RAPGEF2: variants seen among roughly 807,000 people sequenced by gnomAD.
The protein encoded by RAPGEF2 is PDZ domain containing guanine nucleotide exchange factor (GEF) 1.
A neutral mutation model predicts 186.7 loss-of-function variants in RAPGEF2; 54 were observed. The ratio of observed to expected loss-of-function variants is 0.29; its 90% CI spans 0.23 to 0.36. RAPGEF2 has a LOEUF of 0.36. RAPGEF2 is among the 10% of genes least tolerant of loss of function. The pLI, the probability that RAPGEF2 is intolerant of heterozygous loss-of-function variation, is 1.00. For synonymous variants in RAPGEF2, 712 were observed against 705.9 expected, an observed-to-expected ratio of 1.01 and a Z score of -0.14; for missense variants, 1,532 against 2,045.0, an observed-to-expected ratio of 0.75 and a Z score of 4.84.
intron 4 of RAPGEF2, among the ~76,000 whole-genome samples, chr4:159,212,366 T>A (rs935988509): frequency 1.3e-5 from 2 of 152,206 alleles, no homozygotes; most frequent in African/African-American, 4.8e-5. Context: ...TTTTAAAAAT[T>A]ACATATAATT....
chr4:159,139,827 A>G (rs1742120946), intron 1 of RAPGEF2, among the ~76,000 whole-genome samples: 1 of 152,154 alleles, frequency 6.6e-6, no homozygotes, highest in Admixed American at 6.5e-5. Context: ...ACCTCAATGA[A>G]TGTCTGTGCT....
intron 1 of RAPGEF2, among the ~76,000 whole-genome samples, chr4:159,142,675 TA>T (rs1464965130): frequency 1.1e-4 from 16 of 152,186 alleles, no homozygotes; most frequent in Admixed American, 3.3e-4. Context: ...AAAAAGCCTT[TA>T]AAAATTTTCT....
At chr4:159,321,482 A>G (rs1259190503) in intron 9 of RAPGEF2, among the ~76,000 whole-genome samples, 3 of 152,312 alleles carry the variant, frequency 2.0e-5, no homozygotes, top group East Asian at 3.9e-4. Flanking sequence ...TGTTAGGATT[A>G]CAGGCACGAG....
At chr4:159,351,105 C>G (rs1487196033) in intron 26 of RAPGEF2, 5 of 1,534,980 alleles carry the variant, frequency 3.3e-6, no homozygotes, top group Non-Finnish European at 4.4e-6. Context: ...GGCAGTTGGA[C>G]TTAACCAGTT....
intron 7 of RAPGEF2, among the ~76,000 whole-genome samples, chr4:159,251,026 C>T (rs538845880): frequency 2.6e-5 from 4 of 152,330 alleles, no homozygotes; most frequent in East Asian, 1.9e-4. Context: ...AGTGGCCCGC[C>T]GGTGCTGCTG....
At chr4:159,251,117 G>A (rs555029439) in intron 7 of RAPGEF2, among the ~76,000 whole-genome samples, 49 of 152,308 alleles carry the variant, frequency 3.2e-4, no homozygotes, top group African/African-American at 9.6e-4. Flanking sequence ...CAGCTGGCCC[G>A]CCTGCCTGCC....
At chr4:159,245,493 A>G (rs1754525282) in intron 7 of RAPGEF2, among the ~76,000 whole-genome samples, 1 of 152,076 alleles carries the variant, frequency 6.6e-6, no homozygotes, top group Non-Finnish European at 1.5e-5. Context: ...CTAAAGAACT[A>G]TCTTGGGACT....
chr4:159,252,140 C>CA (rs1561150144), intron 7 of RAPGEF2, among the ~76,000 whole-genome samples: 1 of 152,158 alleles, frequency 6.6e-6, no homozygotes, highest in Non-Finnish European at 1.5e-5. Context: ...TCCGGAGACA[C>CA]AACTCCACTT....
intron 26 of RAPGEF2, chr4:159,351,201 A>T: frequency 6.5e-7 from 1 of 1,530,750 alleles, no homozygotes; most frequent in Non-Finnish European, 8.7e-7. Context: ...ATAGAACCAA[A>T]AATGGGGTGG....
In RAPGEF2 at chr4:159,353,052, A is replaced by G. The variant is rs1003122592; in HGVS notation, c.4091+142A>G. 4 of 777,100 alleles carry G rather than the reference A, an allele frequency of 5.1e-6. No homozygotes were observed. The highest frequency in any genetic ancestry group is 1.8e-5 in the African/African-American group (1 of 56,920). 48.1% of individuals were successfully genotyped at this position (777,100 alleles called of 1,614,324 possible). A position where few individuals can be genotyped will look rare whatever the true frequency, so the allele number is the denominator to read the frequency against. On this transcript the variant is annotated intron_variant, in intron 27 of 29. Coordinates refer to ENST00000691494, the MANE Select transcript of RAPGEF2 (RefSeq NM_001394067.2). The surrounding 1 kb of genome is among the most constrained non-coding windows in gnomAD (Gnocchi z 4.3). ...TGCCATCCCAGTTCTGATTTTCACA[A>G]TTTCTACACTAAGTATCATGTTATT...
At chr4:159,148,005 T>TGTCC (rs1743126485) in intron 1 of RAPGEF2, among the ~76,000 whole-genome samples, 1 of 152,232 alleles carries the variant, frequency 6.6e-6, no homozygotes, top group Non-Finnish European at 1.5e-5. Flanking sequence ...TTTCTTATTT[T>TGTCC]GTCCTATTCA....
intron 1 of RAPGEF2, among the ~76,000 whole-genome samples, chr4:159,180,378 C>T (rs1746886132): frequency 6.6e-6 from 1 of 152,158 alleles, no homozygotes; most frequent in South Asian, 2.1e-4. Flanking sequence ...TGGTCAAGTT[C>T]ATATTACGTA....
chr4:159,330,212 G>A (rs1035679716), intron 12 of RAPGEF2, 122 bp from the exon 13 acceptor site: 1 of 845,998 alleles, frequency 1.2e-6, no homozygotes, highest in South Asian at 1.8e-5. Flanking sequence ...TATGTTGAAT[G>A]TTTGAAATCC....
At chr4:159,202,399 C>CTTTCTG (rs1180176785) in intron 3 of RAPGEF2, among the ~76,000 whole-genome samples, 2 of 152,144 alleles carry the variant, frequency 1.3e-5, no homozygotes, top group African/African-American at 4.8e-5. Context: ...GGGCACCATT[C>CTTTCTG]TTTCTGTTTC....
At chr4:159,354,707 C>T (rs765202269) in intron 28 of RAPGEF2, among the ~76,000 whole-genome samples, 1 of 152,284 alleles carries the variant, frequency 6.6e-6, no homozygotes, top group East Asian at 1.9e-4. Context: ...ATAATTTCTA[C>T]TTAATGGAGT....
chr4:159,220,629 T>A (rs976833474), intron 4 of RAPGEF2, among the ~76,000 whole-genome samples: 1 of 152,196 alleles, frequency 6.6e-6, no homozygotes, highest in Non-Finnish European at 1.5e-5. Flanking sequence ...TCTGTCTGTC[T>A]GGGATATCCA....
Position 159,161,015 on chromosome 4 carries a change from G to C in RAPGEF2, c.70-25627G>C, listed in dbSNP as rs148998708. Among the ~76,000 whole-genome samples, 410 of 151,860 alleles carry C rather than the reference G, an allele frequency of 2.7e-3. 1 individual carries two copies. The highest frequency in any genetic ancestry group is 9.3e-3 in the African/African-American group (383 of 41,402). ...TTTAATCATAGGTTTTGAATTCATA[G>C]CTTAAAAAAATGCTTCTGATTGAAG... On this transcript the variant is annotated intron_variant, in intron 1 of 29. Transcript: ENST00000691494.
chr4:159,139,542 TC>T (rs1579287308), intron 1 of RAPGEF2, among the ~76,000 whole-genome samples: 1 of 152,288 alleles, frequency 6.6e-6, no homozygotes, highest in East Asian at 1.9e-4. Flanking sequence ...TACAGCATGT[TC>T]TGAAATACAT....
At chr4:159,155,522 A>G (rs1744018518) in intron 1 of RAPGEF2, among the ~76,000 whole-genome samples, 1 of 90,346 alleles carries the variant, frequency 1.1e-5, no homozygotes. Flanking sequence ...GGGAACATGT[A>G]AGATGTTATC....
Sources: gnomAD v4.1 joint callset for allele counts (sites outside exome capture counted in the v4.1 genomes callset) on GRCh38, gnomAD v4.1.1 for gene constraint, Gnocchi (gnomAD v3.1) non-coding constraint, MANE v1.5 for transcripts, NCBI Gene and HGNC (gene_info 2026-07-23, HGNC 2026-07-21) for gene names.